Variants in CLMN observed in about 807,000 individuals in gnomAD.
The protein encoded by CLMN is calmin.
In CLMN, 57 loss-of-function variants were observed where a neutral mutation model predicts 92.7. That is an observed-to-expected ratio of 0.61 (90% CI 0.50 to 0.77). CLMN has a LOEUF of 0.77. Among genes scored for constraint, CLMN ranks in the 30% least tolerant of loss-of-function variants. CLMN has a pLI of 0.00. For missense variants in CLMN, 1,158 were observed against 1,237.5 expected (o/e 0.94, Z 0.96); for synonymous variants, 466 against 470.6 (o/e 0.99, Z 0.13).
At chr14:95,304,656 ATAGTACAATTGTACTGATTGTACAGATTG>A (rs1901198794) in intron 1 of CLMN, among the ~76,000 whole-genome samples, 1 of 151,842 alleles carries the variant, frequency 6.6e-6, no homozygotes, top group South Asian at 2.1e-4. Context: ...TACAATCTAT[ATAGTACAATTGTACTGATTGTACAGATTG>A]TTGTACAATC....
At chr14:95,281,346 C>A (rs1381444167) in intron 1 of CLMN, among the ~76,000 whole-genome samples, 1 of 152,180 alleles carries the variant, frequency 6.6e-6, no homozygotes, top group African/African-American at 2.4e-5. Context: ...TTATACAGAT[C>A]ATCAGGCCAA....
intron 1 of CLMN, among the ~76,000 whole-genome samples, chr14:95,264,417 T>A (rs1302519598): frequency 6.6e-6 from 1 of 152,162 alleles, no homozygotes; most frequent in Non-Finnish European, 1.5e-5. Context: ...ACTTAGCAGC[T>A]GTACAACCCT....
intron 1 of CLMN, among the ~76,000 whole-genome samples, chr14:95,291,997 T>G (rs141259797): frequency 3.1e-4 from 47 of 152,380 alleles, no homozygotes; most frequent in Middle Eastern, 6.8e-3. Flanking sequence ...CTGACTGTGT[T>G]CCTGGCACTG....
chr14:95,249,165 G>T (rs1200544766), intron 1 of CLMN, among the ~76,000 whole-genome samples: 2 of 152,168 alleles, frequency 1.3e-5, no homozygotes, highest in African/African-American at 4.8e-5. Flanking sequence ...ACCACATTGT[G>T]TGTGCACCAG....
intron 1 of CLMN, among the ~76,000 whole-genome samples, chr14:95,270,832 T>C (rs955086261): frequency 6.6e-6 from 1 of 152,202 alleles, no homozygotes; most frequent in Non-Finnish European, 1.5e-5. Flanking sequence ...GGTATACACC[T>C]AGGAGTAGAA....
In CLMN at chr14:95,203,573, G is replaced by A. The variant is rs144975674; in HGVS notation, c.1776C>T (p.Asp592=). The A allele has an allele frequency of 1.1e-3, 1,723 of 1,614,120 alleles. 10 individuals are homozygous for A. The African/African-American group carries it at 0.021, about 19-fold the overall frequency. The change falls in exon 9 of 13, where the codon GAC becomes GAT. Residue 592 remains aspartate (D), a synonymous_variant. Coordinates refer to ENST00000298912, the MANE Select transcript of CLMN (RefSeq NM_024734.4). ...KVPSPHETKP[D]EDAEAFENHA... ...GATTCTCAAAAGCCTCAGCATCCTC[G>A]TCAGGTTTTGTCTCATGAGGTGAAG...
intron 1 of CLMN, among the ~76,000 whole-genome samples, chr14:95,257,238 G>T (rs78746254): frequency 0.09 from 13,742 of 152,238 alleles, 643 homozygotes; most frequent in African/African-American, 0.12. Flanking sequence ...TCGAAACAAC[G>T]GTCGAGAGCC....
chr14:95,196,650 T>G lies in CLMN; in HGVS notation c.2556A>C (p.Glu852Asp). 6.2e-7 allele frequency: 1 copy of G among 1,613,908 alleles called. No individual in the cohort carries two copies. The highest frequency in any genetic ancestry group is 1.3e-5 in the African/African-American group (1 of 74,982). ...TGATTGATTCTTTCGTTACATTTTC[T>G]TCTAGGGGGTTTGCTATGTTTTCCA... is the stretch of plus-strand genomic sequence containing the variant. The part of the protein sequence containing the change: ...PNLENIANPL[E>D]ENVTKESISS... Residue 852 changes from glutamate (E) to aspartate (D), a missense_variant, in exon 10 of 13, where the codon GAA becomes GAC. Physicochemically the swap from Glu to Asp is conservative, Grantham distance 45 (BLOSUM62 2). Coordinates refer to ENST00000298912, the MANE Select transcript of CLMN (RefSeq NM_024734.4).
chr14:95,312,058 C>T (rs144912262), intron 1 of CLMN, among the ~76,000 whole-genome samples: 6 of 152,248 alleles, frequency 3.9e-5, no homozygotes, highest in Non-Finnish European at 7.3e-5. Flanking sequence ...TTGCCGCCAC[C>T]GTGTTCTCCA....
At chr14:95,242,013 T>C (rs1317913113) in intron 1 of CLMN, among the ~76,000 whole-genome samples, 1 of 152,070 alleles carries the variant, frequency 6.6e-6, no homozygotes, top group Non-Finnish European at 1.5e-5. Context: ...ACTGTGACAT[T>C]GAGGTCGAAG....
intron 9 of CLMN, 135 bp downstream of exon 9, chr14:95,202,703 T>G (rs1371498964): frequency 1.9e-5 from 19 of 974,984 alleles, no homozygotes; most frequent in Non-Finnish European, 2.8e-5. Context: ...GGTGCCTCTT[T>G]GAATTTTGCA....
intron 1 of CLMN, among the ~76,000 whole-genome samples, chr14:95,317,707 CA>C (rs757865810): frequency 1.8e-4 from 28 of 151,850 alleles, no homozygotes; most frequent in Non-Finnish European, 2.6e-4. Flanking sequence ...CCTTGGTGGT[CA>C]GGGGGCAGTG....
At chr14:95,299,196 G>A (rs1348594859) in intron 1 of CLMN, among the ~76,000 whole-genome samples, 2 of 152,114 alleles carry the variant, frequency 1.3e-5, no homozygotes, top group African/African-American at 4.8e-5. Flanking sequence ...GGTCCTTGCT[G>A]TGCTCCCCCC....
chr14:95,319,643 A>T, intron 1 of CLMN, 68 bp downstream of exon 1: 1 of 1,285,652 alleles, frequency 7.8e-7, no homozygotes, highest in Non-Finnish European at 1.1e-6. Flanking sequence ...GGAGTTGCCA[A>T]GTGTCGGAGC....
At chr14:95,257,648 C>G (rs1010131478) in intron 1 of CLMN, among the ~76,000 whole-genome samples, 2 of 152,228 alleles carry the variant, frequency 1.3e-5, no homozygotes, top group Admixed American at 6.5e-5. Context: ...TGTCTTGCAG[C>G]CTGCCTCTTT....
chr14:95,240,484 G>A (rs931780677), intron 1 of CLMN, among the ~76,000 whole-genome samples: 1 of 152,144 alleles, frequency 6.6e-6, no homozygotes, highest in Non-Finnish European at 1.5e-5. Context: ...CTGGAGGGGA[G>A]ACAGAACCAT....
At chr14:95,199,619 C>T (rs989980274) in intron 9 of CLMN, among the ~76,000 whole-genome samples, 4 of 152,208 alleles carry the variant, frequency 2.6e-5, no homozygotes, top group Non-Finnish European at 5.9e-5. Flanking sequence ...CAAATGTCCA[C>T]ACTCTCTCGG....
At chr14:95,309,470 G>C (rs1017491600) in intron 1 of CLMN, among the ~76,000 whole-genome samples, 3 of 152,200 alleles carry the variant, frequency 2.0e-5, no homozygotes, top group African/African-American at 7.2e-5. Flanking sequence ...TATGCAACTA[G>C]AGGACACGAC....
At chr14:95,297,228 T>C (rs1900844268) in intron 1 of CLMN, among the ~76,000 whole-genome samples, 3 of 152,188 alleles carry the variant, frequency 2.0e-5, no homozygotes. Context: ...AGAAGGCGCT[T>C]ATGCACATCA....
Sources: allele counts gnomAD v4.1 joint callset (sites outside exome capture counted in the v4.1 genomes callset), GRCh38; gene constraint gnomAD v4.1.1; transcripts MANE v1.5; gene names NCBI Gene and HGNC (gene_info 2026-07-23, HGNC 2026-07-21).